The following RYR2 variants were observed in gnomAD, a reference collection of about 807,000 sequenced individuals.
RYR2 encodes the protein cardiac muscle ryanodine receptor-calcium release channel.
RYR2 carries 227 observed loss-of-function variants against 601.1 expected under a neutral mutation model. The observed-to-expected ratio is 0.38, with a 90% CI of 0.34 to 0.42. The LOEUF is 0.42. RYR2 is among the 10% of genes least tolerant of loss of function. The pLI is 1.00. For synonymous variants in RYR2, 2,223 were observed against 2,175.1 expected (o/e 1.02, Z -0.61); for missense variants, 4,646 against 6,156.5 (o/e 0.75, Z 8.21).
rs565875927 is a variant in RYR2 at position 237,761,409 on chromosome 1, T to A, written c.11476+381T>A. ...CTTTAGCAAAGTCGGGCTCTCAGAT[T>A]CTTTTATTTCCTTAGGATAGTGATC... On this transcript the variant is annotated intron_variant, in intron 84 of 104. Transcript: ENST00000366574. Among the ~76,000 whole-genome samples, 13 of 152,314 alleles carry A rather than the reference T, an allele frequency of 8.5e-5. No individual in the cohort carries two copies. The South Asian group carries it at 2.5e-3, about 29-fold the overall frequency.
intron 2 of RYR2, among the ~76,000 whole-genome samples, chr1:237,323,125 A>G (rs1036249557): frequency 7.2e-5 from 11 of 152,148 alleles, no homozygotes; most frequent in Admixed American, 2.0e-4. Context: ...TGTTCGGGAT[A>G]CTTGTTTTCC....
chr1:237,665,603 C>G (rs1007502871), intron 56 of RYR2, among the ~76,000 whole-genome samples: 1 of 152,050 alleles, frequency 6.6e-6, no homozygotes, highest in African/African-American at 2.4e-5. Context: ...TTCATTCCAC[C>G]ATGGTGTTTG....
intron 1 of RYR2, among the ~76,000 whole-genome samples, chr1:237,159,611 G>A (rs1397176051): frequency 6.6e-6 from 1 of 152,146 alleles, no homozygotes; most frequent in Non-Finnish European, 1.5e-5. Flanking sequence ...CAGGAGGATT[G>A]CTTGAGCTCA....
chr1:237,565,307 C>CA (rs1671951009), intron 27 of RYR2, among the ~76,000 whole-genome samples: 1 of 150,996 alleles, frequency 6.6e-6, no homozygotes, highest in South Asian at 2.1e-4. Context: ...ACTCTATCAC[C>CA]CAGGCTGGAA....
intron 80 of RYR2, 21 bp from the exon 81 acceptor site, chr1:237,756,267 A>G (rs901805417): frequency 1.3e-6 from 2 of 1,543,186 alleles, no homozygotes; most frequent in Non-Finnish European, 1.8e-6. Context: ...CTCAACATAA[A>G]TGGTTGGGAT....
chr1:237,301,343 TATAA>T (rs948488539), intron 2 of RYR2, among the ~76,000 whole-genome samples: 17 of 152,192 alleles, frequency 1.1e-4, no homozygotes, highest in Non-Finnish European at 1.9e-4. Flanking sequence ...TTGTGAGGGT[TATAA>T]ATATTGTTTG....
chr1:237,709,520 C>A lies in RYR2; in HGVS notation c.10183C>A (p.Leu3395Ile). ...GGAGCCTAACCCAGAAGCAGAGGAGCTCTTCCGCATGGTGGCTGAAGTGTT... is the reference window on the plus strand; with the variant it reads ...GGAGCCTAACCCAGAAGCAGAGGAGATCTTCCGCATGGTGGCTGAAGTGTT... ...LKEPNPEAEELFRMVAEVFIY... is the reference protein window; with the variant it reads ...LKEPNPEAEEIFRMVAEVFIY... Residue 3395 changes from leucine (L) to isoleucine (I), a missense_variant, in exon 70 of 105, where the codon CTC (leucine) becomes ATC (isoleucine). This residue lies in a region of RYR2 where 1,497 missense variants were observed against 1,842.6 expected (regional missense o/e 0.81). Transcript: ENST00000366574. 6.2e-7 allele frequency: 1 copy of A among 1,612,208 alleles called. No homozygotes were observed. Among genetic ancestry groups the A allele is most frequent in the Non-Finnish European group, 8.5e-7 (1 of 1,179,028 alleles).
intron 1 of RYR2, among the ~76,000 whole-genome samples, chr1:237,085,320 G>C (rs933139852): frequency 1.2e-4 from 18 of 152,274 alleles, no homozygotes; most frequent in Admixed American, 1.0e-3. Flanking sequence ...TCAAGTCTTT[G>C]GAGTCAAAAA....
chr1:237,662,469 A>G (rs939038006), intron 56 of RYR2, among the ~76,000 whole-genome samples: 3 of 137,336 alleles, frequency 2.2e-5, no homozygotes, highest in Admixed American at 1.5e-4. Context: ...AAGGCACTAC[A>G]CAGTATAGAG....
intron 7 of RYR2, among the ~76,000 whole-genome samples, chr1:237,375,319 A>AGGAGAACACAAACTT (rs1359114891): frequency 6.6e-6 from 1 of 152,230 alleles, no homozygotes; most frequent in Non-Finnish European, 1.5e-5. Context: ...GAATCAAAAT[A>AGGAGAACACAAACTT]GGAGAACACA....
intron 24 of RYR2, among the ~76,000 whole-genome samples, chr1:237,524,040 A>G (rs1667342000): frequency 6.6e-6 from 1 of 152,338 alleles, no homozygotes; most frequent in African/African-American, 2.4e-5. Flanking sequence ...ACCATAGCCT[A>G]GCAATTCTAC....
intron 1 of RYR2, among the ~76,000 whole-genome samples, chr1:237,204,289 G>T (rs544353288): frequency 6.6e-6 from 1 of 152,190 alleles, no homozygotes; most frequent in African/African-American, 2.4e-5. Context: ...GATTACAGGC[G>T]TGAGCCACCA....
chr1:237,474,486 C>T (rs190152719), intron 17 of RYR2, among the ~76,000 whole-genome samples: 3 of 152,086 alleles, frequency 2.0e-5, no homozygotes, highest in Admixed American at 1.3e-4. Flanking sequence ...CAACCAGAAA[C>T]ATATTTAAGG....
At chr1:237,400,070 A>T (rs1703209185) in intron 10 of RYR2, among the ~76,000 whole-genome samples, 1 of 151,306 alleles carries the variant, frequency 6.6e-6, no homozygotes, top group Non-Finnish European at 1.5e-5. Flanking sequence ...ACAAATGAAT[A>T]CAAGTAAAAT....
chr1:237,469,307 T>TGA, intron 17 of RYR2, 120 bp downstream of exon 17: 1 of 535,346 alleles, frequency 1.9e-6, no homozygotes, highest in Non-Finnish European at 3.1e-6. Context: ...TGGTGGTGTG[T>TGA]ACTGAGTCCC....
At chr1:237,670,172 G>A (rs928570230) in intron 58 of RYR2, among the ~76,000 whole-genome samples, 1 of 151,472 alleles carries the variant, frequency 6.6e-6, no homozygotes, top group Non-Finnish European at 1.5e-5. Context: ...GCCTGCAATC[G>A]CAGGCACTCG....
chr1:237,594,998 C>T (rs1675730240), intron 33 of RYR2, among the ~76,000 whole-genome samples: 1 of 134,598 alleles, frequency 7.4e-6, no homozygotes, highest in Non-Finnish European at 1.5e-5. Flanking sequence ...AAATTTTAGC[C>T]AAATTTTAAG....
At chr1:237,495,001 GC>G (rs1663896276) in intron 19 of RYR2, among the ~76,000 whole-genome samples, 1 of 152,114 alleles carries the variant, frequency 6.6e-6, no homozygotes, top group Non-Finnish European at 1.5e-5. Context: ...ATGTTGGCCA[GC>G]CTGGTCTCGA....
chr1:237,081,639 C>T (rs886483174), intron 1 of RYR2, among the ~76,000 whole-genome samples: 42 of 151,848 alleles, frequency 2.8e-4, no homozygotes, highest in Non-Finnish European at 3.1e-4. Context: ...TCTCTCTCTC[C>T]CTCTCTCTGT....
Sources: allele counts gnomAD v4.1 joint callset (sites outside exome capture counted in the v4.1 genomes callset), GRCh38; gene constraint gnomAD v4.1.1; regional missense constraint gnomAD v4.1.1; transcripts MANE v1.5; gene names NCBI Gene and HGNC (gene_info 2026-07-23, HGNC 2026-07-21).